BBS9: variants seen among roughly 807,000 people sequenced by gnomAD.
BBS9 encodes Bardet-Biedl syndrome 9, also known as protein PTHB1.
In BBS9, 89 loss-of-function variants were observed where a neutral mutation model predicts 117.7. The ratio of observed to expected loss-of-function variants is 0.76; its 90% CI spans 0.64 to 0.90. The LOEUF is 0.90. Among genes scored for constraint, BBS9 ranks in the 40% least tolerant of loss-of-function variants. The pLI is 0.00. For missense variants in BBS9, 982 were observed against 1,042.2 expected, an observed-to-expected ratio of 0.94 and a Z score of 0.80; for synonymous variants, 379 against 370.9, an observed-to-expected ratio of 1.02 and a Z score of -0.25.
chr7:33,460,734 T>C (rs1839343759), intron 19 of BBS9, among the ~76,000 whole-genome samples: 1 of 152,018 alleles, frequency 6.6e-6, no homozygotes, highest in Non-Finnish European at 1.5e-5. Flanking sequence ...TAATTTGAGA[T>C]GAAATTCACA....
intron 20 of BBS9, among the ~76,000 whole-genome samples, chr7:33,514,040 T>C (rs1847365302): frequency 6.6e-6 from 1 of 152,208 alleles, no homozygotes; most frequent in Admixed American, 6.5e-5. Context: ...CATTTAGAAT[T>C]TGAATTATGA....
chr7:33,609,003 A>C (rs1001467377), downstream of BBS9, among the ~76,000 whole-genome samples: 2 of 152,042 alleles, frequency 1.3e-5, no homozygotes, highest in African/African-American at 2.4e-5. Flanking sequence ...CTTACATTTA[A>C]ATCTTTTATC....
rs778433104 is a variant in BBS9 at position 33,533,980 on chromosome 7, C to T, written c.2325C>T (p.Ala775=). The T allele has an allele frequency of 6.2e-7, 1 of 1,614,224 alleles. No homozygotes were observed. The change falls in exon 21 of 23, where the codon GCC becomes GCT. Residue 775 remains alanine (A), a synonymous_variant. Transcript: ENST00000242067. ...GCTGGGAAGAAACGGTGGATGCCGCCATTTCCCACCTGTTGAAGACTTGCC... is the reference window on the plus strand; with the variant it reads ...GCTGGGAAGAAACGGTGGATGCCGCTATTTCCCACCTGTTGAAGACTTGCC... ...ELGWEETVDA[A]ISHLLKTCLS... is the part of the protein sequence containing the mutation.
intron 21 of BBS9, among the ~76,000 whole-genome samples, chr7:33,630,798 T>C (rs1865854785): frequency 1.1e-5 from 1 of 93,904 alleles, no homozygotes; most frequent in African/African-American, 2.7e-5. Flanking sequence ...GTTTCCTGCC[T>C]TCTGCACTCA....
At chr7:33,319,557 A>G (rs927514016) in intron 9 of BBS9, among the ~76,000 whole-genome samples, 3 of 151,254 alleles carry the variant, frequency 2.0e-5, no homozygotes, top group Non-Finnish European at 4.4e-5. Context: ...GCCAACATCT[A>G]TTTTTTTTTA....
intron 4 of BBS9, among the ~76,000 whole-genome samples, chr7:33,167,732 A>T (rs1031177323): frequency 6.6e-6 from 1 of 152,122 alleles, no homozygotes; most frequent in African/African-American, 2.4e-5. Flanking sequence ...CATCCAAATT[A>T]TATGATCCTA....
At chr7:33,622,257 C>T (rs1386689583) in intron 21 of BBS9, among the ~76,000 whole-genome samples, 1 of 151,940 alleles carries the variant, frequency 6.6e-6, no homozygotes, top group African/African-American at 2.4e-5. Flanking sequence ...TGCATGACCT[C>T]ACTTATTTGT....
intron 19 of BBS9, among the ~76,000 whole-genome samples, chr7:33,404,472 A>C (rs962298088): frequency 4.4e-4 from 67 of 152,234 alleles, no homozygotes; most frequent in Admixed American, 2.0e-3. Context: ...CTTCCTACCC[A>C]TGAGCATGGA....
intron 5 of BBS9, among the ~76,000 whole-genome samples, chr7:33,212,352 C>G (rs976892548): frequency 1.3e-5 from 2 of 152,180 alleles, no homozygotes; most frequent in Non-Finnish European, 2.9e-5. Flanking sequence ...TTAAGAGACT[C>G]TGATGCACTC....
chr7:33,469,633 C>G (rs1196503245), intron 19 of BBS9, among the ~76,000 whole-genome samples: 1 of 152,106 alleles, frequency 6.6e-6, no homozygotes, highest in Non-Finnish European at 1.5e-5. Context: ...AATGCAATAT[C>G]TATTTGAAAT....
intron 9 of BBS9, among the ~76,000 whole-genome samples, chr7:33,299,335 A>G (rs1413753323): frequency 6.6e-6 from 1 of 151,878 alleles, no homozygotes; most frequent in Non-Finnish European, 1.5e-5. Flanking sequence ...TTTCTATGTA[A>G]TATATTCTTT....
intron 15 of BBS9, among the ~76,000 whole-genome samples, chr7:33,356,187 A>T (rs1819587246): frequency 6.6e-6 from 1 of 151,800 alleles, no homozygotes; most frequent in South Asian, 2.1e-4. Context: ...AATTTTCTCT[A>T]CAGTTTACTT....
At chr7:33,367,457 C>T (rs545255605) in intron 16 of BBS9, among the ~76,000 whole-genome samples, 26 of 152,110 alleles carry the variant, frequency 1.7e-4, no homozygotes, top group Non-Finnish European at 2.8e-4. Context: ...CCTACTGGCT[C>T]GGTAATAGCT....
At chr7:33,582,255 A>G (rs1350679028) in intron 21 of BBS9, among the ~76,000 whole-genome samples, 8 of 152,090 alleles carry the variant, frequency 5.3e-5, no homozygotes, top group African/African-American at 1.9e-4. Context: ...GAGGTGTTCC[A>G]GGCTGAGTAA....
chr7:33,517,744 A>G (rs1374430809), intron 20 of BBS9, among the ~76,000 whole-genome samples: 1 of 152,198 alleles, frequency 6.6e-6, no homozygotes, highest in African/African-American at 2.4e-5. Flanking sequence ...AACAGAGGCA[A>G]GATTTGAACC....
At chr7:33,449,133 T>C (rs576562222) in intron 19 of BBS9, among the ~76,000 whole-genome samples, 2 of 152,316 alleles carry the variant, frequency 1.3e-5, no homozygotes, top group East Asian at 3.9e-4. Context: ...ACCCAGGTCC[T>C]GAGTCCTTGT....
chr7:33,174,909 T>A (rs1425825334), intron 4 of BBS9, among the ~76,000 whole-genome samples: 1 of 152,246 alleles, frequency 6.6e-6, no homozygotes, highest in African/African-American at 2.4e-5. Context: ...GGCACCTCAA[T>A]GATTTTACTA....
At chr7:33,424,611 T>G (rs574629062) in intron 19 of BBS9, among the ~76,000 whole-genome samples, 6 of 152,284 alleles carry the variant, frequency 3.9e-5, no homozygotes, top group African/African-American at 1.4e-4. Context: ...AACAGGTATT[T>G]AAAAATATCT....
chr7:33,479,587 T>C (rs935989635), intron 19 of BBS9, among the ~76,000 whole-genome samples: 1 of 152,112 alleles, frequency 6.6e-6, no homozygotes, highest in African/African-American at 2.4e-5. Flanking sequence ...GTAAATGTGT[T>C]GTAGAATGAT....
Sources: allele counts gnomAD v4.1 joint callset (sites outside exome capture counted in the v4.1 genomes callset), GRCh38; gene constraint gnomAD v4.1.1; transcripts MANE v1.5; gene names NCBI Gene and HGNC (gene_info 2026-07-23, HGNC 2026-07-21).